The following GPATCH1 variants were observed in gnomAD, a reference collection of about 807,000 sequenced individuals.
GPATCH1 encodes G-patch domain containing 1, also known as G patch domain-containing protein 1.
A neutral mutation model predicts 114.9 loss-of-function variants in GPATCH1; 73 were observed. The ratio of observed to expected loss-of-function variants is 0.64; its 90% confidence interval spans 0.53 to 0.77. GPATCH1 has a LOEUF of 0.77. GPATCH1 is among the 30% of genes least tolerant of loss of function. GPATCH1 has a pLI of 0.00. For synonymous variants in GPATCH1, 391 were observed against 428.4 expected (o/e 0.91, Z 1.08); for missense variants, 1,058 against 1,144.3 (o/e 0.92, Z 1.09).
intron 15 of GPATCH1, among the ~76,000 whole-genome samples, chr19:33,115,057 A>G (rs1972901854): frequency 7.2e-6 from 1 of 138,908 alleles, no homozygotes; most frequent in Admixed American, 7.2e-5. Context: ...TTTTCAGTGA[A>G]TTGATCTTTT....
chr19:33,102,842 C>T (rs538517960), intron 9 of GPATCH1, among the ~76,000 whole-genome samples: 1 of 152,330 alleles, frequency 6.6e-6, no homozygotes, highest in South Asian at 2.1e-4. Context: ...TAACCCATAG[C>T]CCTGGTTCCT....
At chr19:33,125,237 G>A (rs376130475) in intron 18 of GPATCH1, 35 bp downstream of exon 18, 1 of 1,570,116 alleles carries the variant, frequency 6.4e-7, no homozygotes, top group Non-Finnish European at 8.6e-7. Context: ...GATCAGTGTG[G>A]GGTGGGACCC....
chr19:33,123,523 G>A (rs949129162), intron 17 of GPATCH1, among the ~76,000 whole-genome samples: 10 of 152,124 alleles, frequency 6.6e-5, no homozygotes, highest in Admixed American at 6.6e-4. Context: ...GCTAAGGTCA[G>A]AGGATCCCTT....
intron 1 of GPATCH1, among the ~76,000 whole-genome samples, chr19:33,081,800 TAA>T (rs1487771409): frequency 6.6e-6 from 1 of 151,922 alleles, no homozygotes; most frequent in African/African-American, 2.4e-5. Flanking sequence ...CTTGGTAGGG[TAA>T]AGAGTTTGGA....
chr19:33,117,141 T>A (rs7254758), intron 15 of GPATCH1, among the ~76,000 whole-genome samples: 61,855 of 151,950 alleles, frequency 0.41, 15,703 homozygotes, highest in African/African-American at 0.7. Flanking sequence ...CACTGCAGTG[T>A]GCTATGATCG....
rs937067666 is a variant in GPATCH1 at position 33,097,968 on chromosome 19, A to T, written c.1000+66A>T. On this transcript the variant is annotated intron_variant, in intron 8 of 19. Transcript: ENST00000170564. ...CAGGGTATCAGGAAGGAGGGGCTGC[A>T]AGAGCGATACAGGAGCACCAGCCTC... 119 of 1,448,866 alleles carry T rather than the reference A, an allele frequency of 8.2e-5. 1 individual carries two copies. The highest frequency in any genetic ancestry group is 5.3e-5 in the Admixed American group (3 of 56,844). The allele number at this position is 1,448,866 out of a possible 1,614,324, so 89.8% of individuals were successfully genotyped here. A position where few individuals can be genotyped will look rare whatever the true frequency, so the allele number is the denominator to read the frequency against.
chr19:33,119,947 T>C (rs868280893), intron 17 of GPATCH1, among the ~76,000 whole-genome samples: 18 of 144,928 alleles, frequency 1.2e-4, no homozygotes, highest in Middle Eastern at 7.4e-3. Context: ...ATTTTTATAT[T>C]TTATAAATTT....
intron 8 of GPATCH1, among the ~76,000 whole-genome samples, chr19:33,098,165 C>T (rs1972685269): frequency 6.6e-6 from 1 of 152,174 alleles, no homozygotes; most frequent in Non-Finnish European, 1.5e-5. Context: ...ATGCCTGGAC[C>T]AGTGACCACA....
chr19:33,118,798 G>A (rs1025467731), intron 16 of GPATCH1, among the ~76,000 whole-genome samples: 2 of 152,214 alleles, frequency 1.3e-5, no homozygotes, highest in African/African-American at 4.8e-5. Context: ...GCTGCCCTTG[G>A]TTGCAGGTGC....
At chr19:33,098,711 A>G (rs1972691532) in intron 8 of GPATCH1, among the ~76,000 whole-genome samples, 1 of 152,144 alleles carries the variant, frequency 6.6e-6, no homozygotes, top group African/African-American at 2.4e-5. Flanking sequence ...AGTGTCTGGC[A>G]AAGCACCTGT....
intron 11 of GPATCH1, among the ~76,000 whole-genome samples, chr19:33,110,700 G>A (rs1972841993): frequency 6.6e-6 from 1 of 150,800 alleles, no homozygotes; most frequent in Non-Finnish European, 1.5e-5. Context: ...CCAAAACATA[G>A]GGATGTGGTT....
At chr19:33,095,319 A>G (rs1432412955) in intron 5 of GPATCH1, among the ~76,000 whole-genome samples, 1 of 146,590 alleles carries the variant, frequency 6.8e-6, no homozygotes. Flanking sequence ...GCTGAAGTAC[A>G]ATGCGCGATC....
chr19:33,098,291 A>G (rs1457075337), intron 8 of GPATCH1, among the ~76,000 whole-genome samples: 1 of 152,240 alleles, frequency 6.6e-6, no homozygotes. Flanking sequence ...CCAGGGGACC[A>G]GGAGGCAGGT....
At chr19:33,119,559 G>A (rs1004079947) in intron 17 of GPATCH1, among the ~76,000 whole-genome samples, 10 of 151,948 alleles carry the variant, frequency 6.6e-5, no homozygotes, top group African/African-American at 2.2e-4. Flanking sequence ...TTACCTGGGC[G>A]TAGTGACGCA....
At chr19:33,098,348 T>C (rs554079723) in intron 8 of GPATCH1, among the ~76,000 whole-genome samples, 1 of 152,312 alleles carries the variant, frequency 6.6e-6, no homozygotes, top group East Asian at 1.9e-4. Flanking sequence ...CAGTCCGTCT[T>C]CTCCCTTGAG....
At chr19:33,092,484 C>T (rs1337533416) in intron 3 of GPATCH1, among the ~76,000 whole-genome samples, 1 of 152,222 alleles carries the variant, frequency 6.6e-6, no homozygotes. Context: ...ATCAAAATGA[C>T]TGGCTTAGAT....
rs1347466172 is a variant in GPATCH1, at chr19:33,081,898, G to A, written c.73+632G>A. On this transcript the variant is annotated intron_variant, in intron 1 of 19. Coordinates refer to ENST00000170564, the MANE Select transcript of GPATCH1 (RefSeq NM_018025.3). ...GATATATATATGATTTTTAGAGACAGGGTTTTGCTCTGTTTCCCAGGCTGG... is the reference window on the plus strand; with the variant it reads ...GATATATATATGATTTTTAGAGACAAGGTTTTGCTCTGTTTCCCAGGCTGG... Among the ~76,000 whole-genome samples, 4 of 118,124 alleles carry A rather than the reference G, an allele frequency of 3.4e-5. 1 individual carries two copies. The highest frequency in any genetic ancestry group is 7.1e-5 in the Non-Finnish European group (4 of 56,660). 77.5% of individuals were successfully genotyped at this position (118,124 alleles called of 152,430 possible).
intron 19 of GPATCH1, among the ~76,000 whole-genome samples, chr19:33,128,347 A>G (rs574609104): frequency 6.6e-6 from 1 of 151,978 alleles, no homozygotes; most frequent in Admixed American, 6.6e-5. Flanking sequence ...TGCAAGCTCC[A>G]CCTCCTGGGT....
In GPATCH1 at chr19:33,095,647, T is replaced by C. The variant is rs1414437997; in HGVS notation, c.554-115T>C. On this transcript the variant is annotated intron_variant, in intron 5 of 19. Coordinates refer to ENST00000170564, the MANE Select transcript of GPATCH1 (RefSeq NM_018025.3). Reference sequence around the variant, plus strand: ...GAACTCCTGGGCTCAAGCGATCCTCTCACCTCAGCCTCCCAGAGTGCTGGG... The same window carrying C: ...GAACTCCTGGGCTCAAGCGATCCTCCCACCTCAGCCTCCCAGAGTGCTGGG... The C allele has an allele frequency of 8.0e-6, 6 of 746,326 alleles. No individual in the cohort carries two copies. The East Asian group carries it at 1.5e-4, about 19-fold the overall frequency. 46.2% of individuals were successfully genotyped at this position (746,326 alleles called of 1,614,324 possible).
Sources: allele counts gnomAD v4.1 joint callset (sites outside exome capture counted in the v4.1 genomes callset), GRCh38; gene constraint gnomAD v4.1.1; transcripts MANE v1.5; gene names NCBI Gene and HGNC (gene_info 2026-07-23, HGNC 2026-07-21).